The following KANK2 variants were observed in gnomAD, a reference collection of about 807,000 sequenced individuals.
KANK2 encodes the protein KN motif and ankyrin repeat domain-containing protein 2.
KANK2 carries 41 observed loss-of-function variants against 74.6 expected under a neutral mutation model. The observed-to-expected ratio is 0.55, with a 90% confidence interval of 0.43 to 0.71. KANK2 has a LOEUF of 0.71. Among genes scored for constraint, KANK2 ranks in the 30% least tolerant of loss-of-function variants. KANK2 has a pLI of 0.00. For synonymous variants in KANK2, 537 were observed against 519.0 expected (o/e 1.03, Z -0.47); for missense variants, 1,148 against 1,196.4 (o/e 0.96, Z 0.60).
chr19:11,194,619 G>A, intron 2 of KANK2, 29 bp from the exon 3 acceptor site: 1 of 876,334 alleles, frequency 1.1e-6, no homozygotes, highest in Non-Finnish European at 1.9e-6. Context: ...GGCGCCGGGA[G>A]TTAGGAGTCT....
intron 4 of KANK2, among the ~76,000 whole-genome samples, chr19:11,190,634 G>A (rs987691035): frequency 2.0e-5 from 3 of 152,120 alleles, no homozygotes; most frequent in African/African-American, 7.2e-5. Flanking sequence ...AGATAGGGAC[G>A]TTTAGGGCTA....
At chr19:11,180,181 G>A (rs934357120) in intron 4 of KANK2, among the ~76,000 whole-genome samples, 2 of 152,108 alleles carry the variant, frequency 1.3e-5, no homozygotes, top group Non-Finnish European at 2.9e-5. Context: ...GCATTTCCTC[G>A]GGGGTTCCCC....
chr19:11,176,914 C>T lies in KANK2; in HGVS notation c.1521-97G>A. On this transcript the variant is annotated intron_variant, in intron 6 of 12. Coordinates refer to ENST00000586659, the MANE Select transcript of KANK2 (RefSeq NM_001136191.3). ...ATCTGGTGATCTGACCTCTGTGGGC[C>T]TCAGCTTCCCCATCTGTTCAATGGC... The T allele has an allele frequency of 2.2e-6, 3 of 1,375,624 alleles. No individual in the cohort carries two copies. The South Asian group carries it at 4.8e-5, about 22-fold the overall frequency. 85.2% of individuals were successfully genotyped at this position (1,375,624 alleles called of 1,614,324 possible). A position where few individuals can be genotyped will look rare whatever the true frequency, so the allele number is the denominator to read the frequency against.
At chr19:11,190,790 GCACA>G (rs1380512896) in intron 4 of KANK2, among the ~76,000 whole-genome samples, 1 of 152,106 alleles carries the variant, frequency 6.6e-6, no homozygotes, top group African/African-American at 2.4e-5. Flanking sequence ...GAGTGCAGTG[GCACA>G]ATCTCAGCTC....
intron 4 of KANK2, among the ~76,000 whole-genome samples, chr19:11,180,644 C>T (rs1471673422): frequency 2.0e-5 from 3 of 152,118 alleles, no homozygotes; most frequent in African/African-American, 7.2e-5. Context: ...GGGAACTGAG[C>T]GAGAGCAAAC....
chr19:11,176,485 G>T, intron 7 of KANK2, 93 bp downstream of exon 7: 1 of 1,375,284 alleles, frequency 7.3e-7, no homozygotes, highest in South Asian at 1.5e-5. Flanking sequence ...TGACTGATAG[G>T]AGGGTCCTTC....
intron 4 of KANK2, among the ~76,000 whole-genome samples, chr19:11,191,983 T>G (rs2078859264): frequency 6.6e-6 from 1 of 152,074 alleles, no homozygotes; most frequent in African/African-American, 2.4e-5. Flanking sequence ...TGCTTGAGCC[T>G]AGGAAGTCAA....
At chr19:11,186,699 C>CA (rs1035018430) in intron 4 of KANK2, among the ~76,000 whole-genome samples, 11 of 149,344 alleles carry the variant, frequency 7.4e-5, no homozygotes, top group Admixed American at 3.3e-4. Context: ...AACTCTGTCT[C>CA]AAAAAAAAAG....
Position 11,173,079 on chromosome 19 carries a change from T to C in KANK2, c.2113A>G (p.Ile705Val). ...AGGGTGGCCAGGGCGGTGAGCATAATAGGGCTGTAGCCAGCACGGTTCTGT... is the reference window on the plus strand; with the variant it reads ...AGGGTGGCCAGGGCGGTGAGCATAACAGGGCTGTAGCCAGCACGGTTCTGT... ...DKQNRAGYSP[I>V]MLTALATLKT... is the part of the protein sequence containing the mutation. Residue 705 changes from isoleucine (I) to valine (V), a missense_variant, in exon 10 of 13, where the codon ATT becomes GTT. By Grantham distance (29) the Ile-to-Val change is conservative (BLOSUM62 3). Transcript: ENST00000586659. 1 of 1,614,104 alleles carries C rather than the reference T, an allele frequency of 6.2e-7. No homozygotes were observed. Among genetic ancestry groups the C allele is most frequent in the East Asian group, 2.2e-5 (1 of 44,888 alleles).
At chr19:11,169,321 G>C (rs1445383141) in intron 12 of KANK2, among the ~76,000 whole-genome samples, 1 of 152,084 alleles carries the variant, frequency 6.6e-6, no homozygotes, top group African/African-American at 2.4e-5. Context: ...CTGGGTGATA[G>C]AACAAGACTT....
intron 4 of KANK2, among the ~76,000 whole-genome samples, chr19:11,182,840 C>CAAA (rs36229477): frequency 1.7e-4 from 11 of 62,934 alleles, no homozygotes; most frequent in East Asian, 4.6e-4. Flanking sequence ...CAGACTGCCT[C>CAAA]AAAAAAAAAA....
chr19:11,190,997 C>G (rs191916533), intron 4 of KANK2, among the ~76,000 whole-genome samples: 5 of 147,808 alleles, frequency 3.4e-5, no homozygotes, highest in Non-Finnish European at 7.4e-5. Flanking sequence ...TCCCAAAGTG[C>G]TGGGATTACA....
intron 1 of KANK2, 52 bp from the exon 2 acceptor site, chr19:11,195,872 A>G (rs774712578): frequency 6.6e-6 from 1 of 151,648 alleles, no homozygotes; most frequent in Non-Finnish European, 1.5e-5. Context: ...ATTTGCCTGG[A>G]GGCTCACCCC....
chr19:11,181,175 T>A (rs547540358), intron 4 of KANK2, among the ~76,000 whole-genome samples: 35 of 148,598 alleles, frequency 2.4e-4, no homozygotes, highest in Non-Finnish European at 4.4e-4. Flanking sequence ...AGAAGCCAGA[T>A]GCAAAAGGGA....
chr19:11,179,686 G>C (rs143400323), intron 4 of KANK2, among the ~76,000 whole-genome samples: 1 of 151,224 alleles, frequency 6.6e-6, no homozygotes, highest in African/African-American at 2.4e-5. Flanking sequence ...AAAACGAAAC[G>C]AAACAAAAGA....
intron 4 of KANK2, 71 bp downstream of exon 4, chr19:11,192,760 G>C (rs549735891): frequency 5.0e-5 from 78 of 1,568,968 alleles, no homozygotes; most frequent in African/African-American, 9.7e-5. Context: ...TGAGAGTCCA[G>C]GATGAGCCAT....
At chr19:11,185,559 G>T (rs1446399920) in intron 4 of KANK2, among the ~76,000 whole-genome samples, 1 of 149,796 alleles carries the variant, frequency 6.7e-6, no homozygotes, top group East Asian at 1.9e-4. Context: ...TAGAAAAACA[G>T]GTTTCAGGCT....
rs898794810 is a variant in KANK2, at chr19:11,170,823, GTTAA to G, written c.2212-579_2212-576del. ...CCAGGCTAATTGTTCCTTTAAAAGGGTTAATTATTTTTTTTTGGAGATGGCGTCT... is the reference window on the plus strand; with the variant it reads ...CCAGGCTAATTGTTCCTTTAAAAGGGTTATTTTTTTTTGGAGATGGCGTCT... On this transcript the variant is annotated intron_variant, in intron 10 of 12. Transcript: ENST00000586659. The surrounding 1 kb of genome is among the most constrained non-coding windows in gnomAD (Gnocchi z 5.2). 2.0e-4 allele frequency among the ~76,000 whole-genome samples: 31 copies of G among 152,120 alleles called. No individual in the cohort carries two copies. The highest frequency in any genetic ancestry group is 4.6e-4 in the Admixed American group (7 of 15,272).
rs146071116 is a variant in KANK2, at chr19:11,170,209, G to T, written c.2251C>A (p.Arg751=). 6.2e-7 allele frequency: 1 copy of T among 1,610,912 alleles called. No individual in the cohort carries two copies. Among genetic ancestry groups the T allele is most frequent in the Non-Finnish European group, 8.5e-7 (1 of 1,180,022 alleles). The change falls in exon 11 of 13, where the codon CGG becomes AGG. Residue 751 remains arginine, a synonymous_variant. Transcript: ENST00000586659. The surrounding 1 kb of genome is among the most constrained non-coding windows in gnomAD (Gnocchi z 5.2). ...TALMLAVSHG[R]VDVVKALLAC... is the part of the protein sequence containing the mutation. Reference sequence around the variant, plus strand: ...AGCAGGGCTTTGACAACGTCCACCCGCCCGTGGCTGACGGCCAGCATCAGG... The same window carrying T: ...AGCAGGGCTTTGACAACGTCCACCCTCCCGTGGCTGACGGCCAGCATCAGG...
Sources: allele counts gnomAD v4.1 joint callset (sites outside exome capture counted in the v4.1 genomes callset), GRCh38; gene constraint gnomAD v4.1.1; non-coding constraint Gnocchi (gnomAD v3.1); transcripts MANE v1.5; gene names NCBI Gene and HGNC (gene_info 2026-07-23, HGNC 2026-07-21).